Variants in VKORC1L1 observed in about 807,000 individuals in gnomAD.
VKORC1L1 encodes vitamin K epoxide reductase complex subunit 1-like protein 1.
VKORC1L1 carries 2 observed loss-of-function variants against 18.9 expected under a neutral mutation model. That is an observed-to-expected ratio of 0.11 (90% CI 0.04 to 0.33). The LOEUF (loss-of-function observed/expected upper bound fraction) is 0.33. VKORC1L1 is among the 10% of genes least tolerant of loss of function. VKORC1L1 has a pLI of 1.00. For synonymous variants in VKORC1L1, 96 were observed against 100.0 expected (o/e 0.96, Z 0.24); for missense variants, 123 against 224.1 (o/e 0.55, Z 2.88).
intron 1 of VKORC1L1, among the ~76,000 whole-genome samples, chr7:65,883,176 CTG>C (rs1788957137): frequency 7.6e-6 from 1 of 132,026 alleles, no homozygotes; most frequent in Non-Finnish European, 1.5e-5. Context: ...GAGTCTCACT[CTG>C]TCACCCAGGC....
intron 1 of VKORC1L1, among the ~76,000 whole-genome samples, chr7:65,911,279 C>T (rs1168878109): frequency 6.6e-6 from 1 of 152,152 alleles, no homozygotes; most frequent in African/African-American, 2.4e-5. Flanking sequence ...TAGTTTAACT[C>T]ATGTTAAATT....
chr7:65,936,675 T>C (rs1789946570), intron 1 of VKORC1L1, among the ~76,000 whole-genome samples: 1 of 152,230 alleles, frequency 6.6e-6, no homozygotes, highest in Non-Finnish European at 1.5e-5. Flanking sequence ...AGTCTGGGGC[T>C]TGTGTTAGTT....
intron 1 of VKORC1L1, among the ~76,000 whole-genome samples, chr7:65,908,040 A>G (rs965420615): frequency 6.6e-6 from 1 of 152,180 alleles, no homozygotes; most frequent in Non-Finnish European, 1.5e-5. Flanking sequence ...AGAGGCCACA[A>G]CTGCTCTGCT....
At chr7:65,941,780 G>A (rs565827937) in intron 1 of VKORC1L1, among the ~76,000 whole-genome samples, 2 of 143,906 alleles carry the variant, frequency 1.4e-5, no homozygotes, top group East Asian at 2.2e-4. Context: ...GGGTTCAAGC[G>A]ATTATCTGCC....
chr7:65,929,392 A>G (rs1384892094), intron 1 of VKORC1L1, among the ~76,000 whole-genome samples: 10 of 152,112 alleles, frequency 6.6e-5, no homozygotes, highest in Admixed American at 6.6e-4. Flanking sequence ...AGCCTGGGTG[A>G]CAGGGAGACT....
intron 1 of VKORC1L1, among the ~76,000 whole-genome samples, chr7:65,882,276 G>A (rs1788941206): frequency 1.3e-5 from 2 of 151,948 alleles, no homozygotes; most frequent in South Asian, 4.1e-4. Flanking sequence ...CTACTCGGGA[G>A]GCTGAGACAG....
intron 1 of VKORC1L1, among the ~76,000 whole-genome samples, chr7:65,939,525 G>T (rs75067759): frequency 0.013 from 2,018 of 152,302 alleles, 47 homozygotes; most frequent in East Asian, 0.088. Context: ...TTCAAATTTT[G>T]GACCTATAAA....
chr7:65,917,044 T>C (rs191267485), intron 1 of VKORC1L1, among the ~76,000 whole-genome samples: 59 of 152,226 alleles, frequency 3.9e-4, no homozygotes, highest in Admixed American at 5.9e-4. Context: ...GGATGTTAGA[T>C]GATAGTATTA....
intron 1 of VKORC1L1, among the ~76,000 whole-genome samples, chr7:65,920,829 A>C (rs1562995909): frequency 6.8e-6 from 1 of 146,762 alleles, no homozygotes. Flanking sequence ...CTGTTTTTAG[A>C]AAAAAAAAAA....
At chr7:65,922,383 T>C (rs952934700) in intron 1 of VKORC1L1, among the ~76,000 whole-genome samples, 1 of 151,818 alleles carries the variant, frequency 6.6e-6, no homozygotes, top group African/African-American at 2.4e-5. Flanking sequence ...TGGGTTCAAG[T>C]GATTCTCCTG....
intron 1 of VKORC1L1, among the ~76,000 whole-genome samples, chr7:65,880,845 C>A (rs984352189): frequency 4.6e-5 from 7 of 152,204 alleles, no homozygotes; most frequent in Non-Finnish European, 8.8e-5. Context: ...AAACCATGTA[C>A]TCTTGTAAAC....
At chr7:65,867,617 G>A in the VKORC1L1 span, among the ~76,000 whole-genome samples, 1 of 152,068 alleles carries the variant, frequency 6.6e-6, no homozygotes, top group Non-Finnish European at 1.5e-5. Flanking sequence ...CCTGTGCTGG[G>A]ACTGTTGATT....
Position 65,893,977 on chromosome 7 carries a change from G to A in VKORC1L1, c.194+20412G>A, listed in dbSNP as rs183976706. On this transcript the variant is annotated intron_variant, in intron 1 of 2. Transcript: ENST00000360768. ...AATTGACTTTTTTTTTTTTTGAGAC[G>A]GAGTTTCGCTCCTGTTGCCCAGGCT... Among the ~76,000 whole-genome samples the A allele has an allele frequency of 6.3e-3, 948 of 151,106 alleles. 4 individuals are homozygous for A. The highest frequency in any genetic ancestry group is 0.01 in the Middle Eastern group (3 of 294).
chr7:65,917,454 G>A (rs758094869), intron 1 of VKORC1L1, among the ~76,000 whole-genome samples: 4 of 152,120 alleles, frequency 2.6e-5, no homozygotes, highest in Non-Finnish European at 4.4e-5. Context: ...TATACTCCAG[G>A]CATTGGAAGT....
At chr7:65,886,839 GTTTTTTT>G (rs56234924) in intron 1 of VKORC1L1, among the ~76,000 whole-genome samples, 25 of 58,626 alleles carry the variant, frequency 4.3e-4, no homozygotes, top group African/African-American at 1.3e-3. Flanking sequence ...GCCTGTCCGA[GTTTTTTT>G]TTTTTTTTTT....
At chr7:65,941,024 A>G (rs916616906) in intron 1 of VKORC1L1, among the ~76,000 whole-genome samples, 10 of 152,210 alleles carry the variant, frequency 6.6e-5, no homozygotes, top group African/African-American at 2.4e-4. Context: ...AACTAAGGAT[A>G]AAAGTTGGGA....
chr7:65,927,053 G>A (rs2115646770), intron 1 of VKORC1L1, among the ~76,000 whole-genome samples: 1 of 152,276 alleles, frequency 6.6e-6, no homozygotes, highest in East Asian at 1.9e-4. Context: ...TTGGGGGGCT[G>A]AGAAGGGCAG....
At chr7:65,895,866 AAAAG>A (rs1789200707) in intron 1 of VKORC1L1, among the ~76,000 whole-genome samples, 1 of 151,286 alleles carries the variant, frequency 6.6e-6, no homozygotes, top group Admixed American at 6.6e-5. Context: ...CATTGGGAAA[AAAAG>A]AGAACTATCT....
In VKORC1L1 at chr7:65,886,840, T is replaced by G. The variant is rs201885632; in HGVS notation, c.194+13275T>G. 4.8e-3 allele frequency among the ~76,000 whole-genome samples: 193 copies of G among 40,630 alleles called. No homozygotes were observed. The East Asian group carries it at 0.055, about 12-fold the overall frequency. 26.7% of individuals were successfully genotyped at this position (40,630 alleles called of 152,430 possible). On this transcript the variant is annotated intron_variant, in intron 1 of 2. Transcript: ENST00000360768. ...GCGTGAGCCACTGCGCCTGTCCGAG[T>G]TTTTTTTTTTTTTTTTTTTTTTTTT...
Sources: gnomAD v4.1 joint callset for allele counts (sites outside exome capture counted in the v4.1 genomes callset) on GRCh38, gnomAD v4.1.1 for gene constraint, MANE v1.5 for transcripts, NCBI Gene and HGNC (gene_info 2026-07-23, HGNC 2026-07-21) for gene names.